The following RBMS3 variants were observed in gnomAD, a reference collection of about 807,000 sequenced individuals.
The protein encoded by RBMS3 is RNA-binding motif, single-stranded-interacting protein 3.
Under a neutral mutation model 66.8 loss-of-function variants are expected in RBMS3, and 27 were observed. That is an observed-to-expected ratio of 0.40 (90% CI 0.30 to 0.56). The LOEUF (loss-of-function observed/expected upper bound fraction) is 0.56, where lower values mean the gene tolerates loss of function less well. Among genes scored for constraint, RBMS3 ranks in the 20% least tolerant of loss-of-function variants. The pLI is 0.40. For synonymous variants in RBMS3, 188 were observed against 183.0 expected, an observed-to-expected ratio of 1.03 and a Z score of -0.22; for missense variants, 513 against 549.5, an observed-to-expected ratio of 0.93 and a Z score of 0.66.
At chr3:29,324,808 AGCCTGCCT>A (rs1261675791) in intron 1 of RBMS3, among the ~76,000 whole-genome samples, 1 of 151,232 alleles carries the variant, frequency 6.6e-6, no homozygotes. Flanking sequence ...TATTCTTTCC[AGCCTGCCT>A]GCCTATCTGC....
intron 1 of RBMS3, among the ~76,000 whole-genome samples, chr3:29,319,405 T>C (rs1254924581): frequency 6.6e-6 from 1 of 152,016 alleles, no homozygotes; most frequent in East Asian, 1.9e-4. Flanking sequence ...TCTGTTAAGC[T>C]GGGGACCTAC....
chr3:29,551,015 G>A (rs1362690762), intron 3 of RBMS3, among the ~76,000 whole-genome samples: 3 of 152,220 alleles, frequency 2.0e-5, no homozygotes, highest in Admixed American at 2.0e-4. Context: ...CATCAAGAGA[G>A]TGATTACTTG....
At chr3:29,359,305 CAT>C (rs2037416959) in intron 1 of RBMS3, among the ~76,000 whole-genome samples, 1 of 152,162 alleles carries the variant, frequency 6.6e-6, no homozygotes, top group Non-Finnish European at 1.5e-5. Context: ...CTGAGACAAT[CAT>C]GTGGTTTTTG....
chr3:29,592,193 C>CAT (rs2047763653), intron 4 of RBMS3, among the ~76,000 whole-genome samples: 1 of 144,830 alleles, frequency 6.9e-6, no homozygotes, highest in Non-Finnish European at 1.5e-5. Context: ...TTCAAACACA[C>CAT]ATACACACAC....
chr3:29,585,783 A>T (rs2047498587), intron 3 of RBMS3, among the ~76,000 whole-genome samples: 1 of 152,076 alleles, frequency 6.6e-6, no homozygotes. Flanking sequence ...AAGAATTAGC[A>T]GTACTTACAG....
intron 6 of RBMS3, among the ~76,000 whole-genome samples, chr3:29,780,414 C>T (rs940313819): frequency 6.6e-5 from 10 of 151,634 alleles, no homozygotes; most frequent in Non-Finnish European, 8.8e-5. Flanking sequence ...GTCATTCATG[C>T]TTTCCCTTGA....
intron 1 of RBMS3, among the ~76,000 whole-genome samples, chr3:29,349,694 T>C (rs1369746358): frequency 1.3e-5 from 2 of 152,248 alleles, no homozygotes; most frequent in African/African-American, 4.8e-5. Context: ...AATGGTATTG[T>C]ATCGTGTGTC....
intron 3 of RBMS3, among the ~76,000 whole-genome samples, chr3:29,582,421 C>A (rs905668072): frequency 6.6e-6 from 1 of 152,138 alleles, no homozygotes; most frequent in Non-Finnish European, 1.5e-5. Flanking sequence ...GCCTTCTCCC[C>A]CTGACAAGGA....
At chr3:29,721,018 A>G (rs2053620968) in intron 4 of RBMS3, among the ~76,000 whole-genome samples, 1 of 152,178 alleles carries the variant, frequency 6.6e-6, no homozygotes. Context: ...TGTGGCACAA[A>G]GTATACAGCC....
chr3:29,651,570 T>C (rs1299163104), intron 4 of RBMS3, among the ~76,000 whole-genome samples: 1 of 152,128 alleles, frequency 6.6e-6, no homozygotes. Context: ...AACATACAAG[T>C]GTACACACAT....
chr3:29,636,153 C>T (rs1045249394), intron 4 of RBMS3, among the ~76,000 whole-genome samples: 1 of 151,608 alleles, frequency 6.6e-6, no homozygotes, highest in African/African-American at 2.4e-5. Flanking sequence ...CCATGGTTTA[C>T]ACTAAGTCTA....
intron 3 of RBMS3, among the ~76,000 whole-genome samples, chr3:29,539,494 C>G (rs2045684244): frequency 2.0e-5 from 3 of 152,098 alleles, no homozygotes; most frequent in Admixed American, 2.0e-4. Context: ...GCCCTTTTAC[C>G]TCCCTCCAGC....
chr3:29,769,767 A>G (rs1340379669), intron 6 of RBMS3, among the ~76,000 whole-genome samples: 1 of 151,948 alleles, frequency 6.6e-6, no homozygotes, highest in African/African-American at 2.4e-5. Flanking sequence ...AATCATACAT[A>G]TATTTGCTTT....
chr3:29,561,161 C>A (rs1327856412), intron 3 of RBMS3, among the ~76,000 whole-genome samples: 1 of 152,068 alleles, frequency 6.6e-6, no homozygotes, highest in African/African-American at 2.4e-5. Flanking sequence ...TAGGTTGATT[C>A]CATGTCTTTG....
chr3:29,987,099 G>A (rs146198455), intron 12 of RBMS3, among the ~76,000 whole-genome samples: 201 of 152,268 alleles, frequency 1.3e-3, no homozygotes, highest in African/African-American at 4.5e-3. Flanking sequence ...CATGAACTTA[G>A]TATTTGATCT....
intron 12 of RBMS3, among the ~76,000 whole-genome samples, chr3:29,962,883 T>C (rs1280391801): frequency 1.3e-5 from 2 of 152,066 alleles, no homozygotes; most frequent in African/African-American, 2.4e-5. Context: ...CTTTTTTTTT[T>C]CTTCTATTTT....
intron 4 of RBMS3, among the ~76,000 whole-genome samples, chr3:29,671,600 A>C (rs572918759): frequency 6.6e-6 from 1 of 152,256 alleles, no homozygotes; most frequent in Non-Finnish European, 1.5e-5. Context: ...GACCTGACAG[A>C]GTTGAAAACC....
chr3:29,591,291 G>A (rs2047728352), intron 4 of RBMS3, among the ~76,000 whole-genome samples: 1 of 152,126 alleles, frequency 6.6e-6, no homozygotes. Flanking sequence ...TCTCCAACAG[G>A]CCCATGGCTC....
intron 1 of RBMS3, among the ~76,000 whole-genome samples, chr3:29,330,529 TAA>T (rs34388455): frequency 0.56 from 84,431 of 151,882 alleles, 24,713 homozygotes; most frequent in East Asian, 0.78. Context: ...TTATTGTCTA[TAA>T]AAAATCCATT....
Sources: gnomAD v4.1 joint callset for allele counts (sites outside exome capture counted in the v4.1 genomes callset) on GRCh38, gnomAD v4.1.1 for gene constraint, MANE v1.5 for transcripts, NCBI Gene and HGNC (gene_info 2026-07-23, HGNC 2026-07-21) for gene names.